The following UGT1A7 variants were observed in gnomAD, a reference collection of about 807,000 sequenced individuals.
UGT1A7 encodes UDP glucuronosyltransferase family 1 member A7.
In UGT1A7, 33 loss-of-function variants were observed where a neutral mutation model predicts 45.6. The ratio of observed to expected loss-of-function variants is 0.72; its 90% CI spans 0.55 to 0.97. The LOEUF is 0.97. Among genes scored for constraint, UGT1A7 ranks in the 50% least tolerant of loss-of-function variants. The probability of loss-of-function intolerance (pLI) is 0.00; values close to 1 mark genes in which losing one functional copy is unlikely to be tolerated. For missense variants in UGT1A7, 684 were observed against 666.2 expected, an observed-to-expected ratio of 1.03 and a Z score of -0.29; for synonymous variants, 274 against 250.6, an observed-to-expected ratio of 1.09 and a Z score of -0.88.
rs886043066 is a variant in UGT1A7 at position 233,768,310 on chromosome 2, C to T, written c.1166C>T (p.Pro389Leu). 74 of 1,613,942 alleles carry T rather than the reference C, an allele frequency of 4.6e-5. No homozygotes were observed. Among genetic ancestry groups the T allele is most frequent in the Non-Finnish European group, 6.2e-5 (73 of 1,180,026 alleles). The change falls in exon 4 of 5, where the codon CCC becomes CTC. Residue 389 changes from proline to leucine, a missense_variant. Pro to Leu is a moderately conservative substitution (Grantham distance 98). Coordinates refer to ENST00000373426, the MANE Select transcript of UGT1A7 (RefSeq NM_019077.3). ...ICNGVPMVMM[P>L]LFGDQMDNAK... Reference sequence around the variant, plus strand: ...AATGGCGTTCCCATGGTGATGATGCCCTTGTTTGGTGATCAGATGGACAAT... The same window carrying T: ...AATGGCGTTCCCATGGTGATGATGCTCTTGTTTGGTGATCAGATGGACAAT...
intron 1 of UGT1A7, among the ~76,000 whole-genome samples, chr2:233,687,869 C>T (rs17863781): frequency 6.6e-6 from 1 of 152,188 alleles, no homozygotes; most frequent in African/African-American, 2.4e-5. Context: ...GACTATTCCA[C>T]TCCACTCCAG....
intron 1 of UGT1A7, among the ~76,000 whole-genome samples, chr2:233,734,657 A>G (rs1389558129): frequency 6.6e-6 from 1 of 152,186 alleles, no homozygotes; most frequent in African/African-American, 2.4e-5. Context: ...ATTTAATGCT[A>G]TAAATTTCCC....
Position 233,773,228 on chromosome 2 carries a change from T to C in UGT1A7, c.*669T>C, listed in dbSNP as rs570239690. The C allele has an allele frequency of 6.6e-6, 1 of 152,468 alleles. No homozygotes were observed. The highest frequency in any genetic ancestry group is 2.4e-5 in the African/African-American group (1 of 41,574). 9.4% of individuals were successfully genotyped at this position (152,468 alleles called of 1,614,324 possible). A position where few individuals can be genotyped will look rare whatever the true frequency, so the allele number is the denominator to read the frequency against. ...AAAAACCCAAAATACAGCTATGAAG[T>C]GCTGGGCAAGTTTACTTTTTTTCTG... On this transcript the variant is annotated 3_prime_UTR_variant, in exon 5 of 5. Coordinates refer to ENST00000373426, the MANE Select transcript of UGT1A7 (RefSeq NM_019077.3).
At chr2:233,744,478 A>C (rs921058584) in intron 1 of UGT1A7, among the ~76,000 whole-genome samples, 8 of 152,046 alleles carry the variant, frequency 5.3e-5, no homozygotes, top group South Asian at 2.1e-4. Context: ...AAGACATATT[A>C]ATTGGGCAAT....
At chr2:233,684,037 C>G (rs45511895) in intron 1 of UGT1A7, among the ~76,000 whole-genome samples, 49 of 152,226 alleles carry the variant, frequency 3.2e-4, no homozygotes, top group African/African-American at 1.1e-3. Flanking sequence ...GTTGCTAAAT[C>G]CAGGTGAAAC....
chr2:233,715,631 G>A (rs1191605021), intron 1 of UGT1A7, among the ~76,000 whole-genome samples: 3 of 151,978 alleles, frequency 2.0e-5, no homozygotes, highest in Non-Finnish European at 4.4e-5. Context: ...AATTATCCAG[G>A]TGTGATGGTG....
At chr2:233,741,284 A>G (rs1443656037) in intron 1 of UGT1A7, among the ~76,000 whole-genome samples, 2 of 151,828 alleles carry the variant, frequency 1.3e-5, no homozygotes, top group South Asian at 2.1e-4. Flanking sequence ...AATGGGATTT[A>G]TGTACCCAAT....
intron 1 of UGT1A7, among the ~76,000 whole-genome samples, chr2:233,717,036 C>A (rs1178363504): frequency 1.3e-5 from 2 of 152,172 alleles, no homozygotes; most frequent in Non-Finnish European, 2.9e-5. Flanking sequence ...TTCCAAGATA[C>A]ATGGGCCTCC....
intron 1 of UGT1A7, 85 bp downstream of exon 1, chr2:233,682,877 A>G: frequency 6.6e-7 from 1 of 1,516,812 alleles, no homozygotes; most frequent in Non-Finnish European, 8.8e-7. Context: ...TTTATCATTT[A>G]CATTTGTCCC....
At chr2:233,748,450 A>G (rs1693947199) in intron 1 of UGT1A7, among the ~76,000 whole-genome samples, 1 of 151,796 alleles carries the variant, frequency 6.6e-6, no homozygotes, top group South Asian at 2.1e-4. Flanking sequence ...CACAATTTTC[A>G]GGGGAAAGAT....
chr2:233,682,232 A>G lies in UGT1A7; in HGVS notation c.295A>G (p.Thr99Ala), dbSNP rs1575428542. 6 of 1,614,176 alleles carry G rather than the reference A, an allele frequency of 3.7e-6. No homozygotes were observed. Among genetic ancestry groups the G allele is most frequent in the East Asian group, 2.2e-5 (1 of 44,890 alleles). Reference protein sequence around the residue: ...EFMVFADARWTAPLRSAFSLL... With the variant: ...EFMVFADARWAAPLRSAFSLL... Reference sequence around the variant, plus strand: ...CATGGTTTTTGCCGATGCTCGCTGGACGGCACCATTGCGAAGTGCATTTTC... The same window carrying G: ...CATGGTTTTTGCCGATGCTCGCTGGGCGGCACCATTGCGAAGTGCATTTTC... The change falls in exon 1 of 5, where the codon ACG becomes GCG. Residue 99 changes from threonine (T) to alanine (A), a missense_variant. Transcript: ENST00000373426.
intron 1 of UGT1A7, among the ~76,000 whole-genome samples, chr2:233,705,905 T>G (rs1056214511): frequency 3.3e-5 from 5 of 152,030 alleles, no homozygotes; most frequent in Admixed American, 3.3e-4. Flanking sequence ...CTGGCCAAAA[T>G]AGTGAAACTC....
intron 1 of UGT1A7, chr2:233,719,063 T>C (rs780981964): frequency 1.1e-4 from 178 of 1,614,270 alleles, no homozygotes; most frequent in East Asian, 3.6e-4. Flanking sequence ...CAGCCTATGC[T>C]GTTCCATGGA....
Position 233,768,074 on chromosome 2 carries a change from G to A in UGT1A7, c.1075+138G>A. ...CCTACATTGCTTTTTATCTAGTGGG[G>A]TATCTCAACCCACATTTTCTTCTGC... On this transcript the variant is annotated intron_variant, in intron 3 of 4. Transcript: ENST00000373426. The A allele has an allele frequency of 5.0e-6, 8 of 1,593,840 alleles. No homozygotes were observed. In the South Asian group the frequency reaches 5.6e-5, roughly 11 times the overall value.
chr2:233,689,852 G>C (rs1413108719), intron 1 of UGT1A7: 1 of 455,368 alleles, frequency 2.2e-6, no homozygotes, highest in Non-Finnish European at 4.4e-6. Context: ...TATTGTTTTA[G>C]GCTACTATTA....
intron 1 of UGT1A7, among the ~76,000 whole-genome samples, chr2:233,688,515 C>A (rs953054685): frequency 6.6e-6 from 1 of 152,002 alleles, no homozygotes; most frequent in South Asian, 2.1e-4. Context: ...CAGTGAAATG[C>A]GCCTAGAGTG....
chr2:233,759,735 A>G (rs1426005691), intron 1 of UGT1A7, among the ~76,000 whole-genome samples: 1 of 152,016 alleles, frequency 6.6e-6, no homozygotes, highest in Non-Finnish European at 1.5e-5. Flanking sequence ...CTGCAGCCTC[A>G]AGACCCCACA....
intron 1 of UGT1A7, among the ~76,000 whole-genome samples, chr2:233,698,201 C>A (rs1027505391): frequency 6.6e-6 from 1 of 152,102 alleles, no homozygotes; most frequent in African/African-American, 2.4e-5. Context: ...TATCAACATG[C>A]ACTTTTAATT....
intron 1 of UGT1A7, among the ~76,000 whole-genome samples, chr2:233,726,638 A>G (rs1268370501): frequency 1.3e-5 from 2 of 152,164 alleles, no homozygotes; most frequent in Admixed American, 6.6e-5. Context: ...CAATCTCCCC[A>G]TCTTAAAACT....
Sources: gnomAD v4.1 joint callset for allele counts (sites outside exome capture counted in the v4.1 genomes callset) on GRCh38, gnomAD v4.1.1 for gene constraint, MANE v1.5 for transcripts, NCBI Gene and HGNC (gene_info 2026-07-23, HGNC 2026-07-21) for gene names.